FOXK2: variants seen among roughly 807,000 people sequenced by gnomAD.
FOXK2 encodes the protein forkhead box K2.
A neutral mutation model predicts 53.3 loss-of-function variants in FOXK2; 24 were observed. That is an observed-to-expected ratio of 0.45 (90% CI 0.33 to 0.63). The LOEUF (loss-of-function observed/expected upper bound fraction) is 0.63. Ranked by LOEUF, FOXK2 falls within the 30% of genes least tolerant of loss-of-function variation. FOXK2 has a pLI of 0.03. For missense variants in FOXK2, 952 were observed against 910.5 expected (o/e 1.05, Z -0.59); for synonymous variants, 505 against 407.1 (o/e 1.24, Z -2.89).
rs1006452260 is a variant in FOXK2, at chr17:82,603,157, G to A, written c.*1658G>A. ...ACACTAGCTGGATTATCACTCAGCC[G>A]TTTAAGAAATAAAAGCAAAACCATC... On this transcript the variant is annotated 3_prime_UTR_variant, in exon 9 of 9. Coordinates refer to ENST00000335255, the MANE Select transcript of FOXK2 (RefSeq NM_004514.4). The A allele has an allele frequency of 1.3e-5, 2 of 152,406 alleles. No homozygotes were observed. The highest frequency in any genetic ancestry group is 2.9e-5 in the Non-Finnish European group (2 of 68,054). 9.4% of individuals were successfully genotyped at this position (152,406 alleles called of 1,614,324 possible).
rs5822538 is a variant in FOXK2 at position 82,556,442 on chromosome 17, T to TAA, written c.420-6900_420-6899dup. ...CTGGGCAATAGAGTGAGACTCCGTC[T>TAA]AAAAAAAAAAAAAGCAAGTTACCAG... On this transcript the variant is annotated intron_variant, in intron 1 of 8. Coordinates refer to ENST00000335255, the MANE Select transcript of FOXK2 (RefSeq NM_004514.4). Among the ~76,000 whole-genome samples, 21 of 142,822 alleles carry TAA rather than the reference T, an allele frequency of 1.5e-4. No individual in the cohort carries two copies. The South Asian group carries it at 2.4e-3, about 17-fold the overall frequency. The allele number at this position is 142,822 out of a possible 152,430, so 93.7% of individuals were successfully genotyped here.
At position 82,592,199 on chromosome 17, in the gene FOXK2, C is replaced by T. The variant is rs576890275; in HGVS notation, c.1786+4927C>T. Among the ~76,000 whole-genome samples, 10 of 152,336 alleles carry T rather than the reference C, an allele frequency of 6.6e-5. No individual in the cohort carries two copies. The East Asian group carries it at 1.7e-3, about 26-fold the overall frequency. On this transcript the variant is annotated intron_variant, in intron 8 of 8. Transcript: ENST00000335255. Reference sequence around the variant, plus strand: ...GGATTACAGGTACGAGCCAGCATACCCAGCCAGTGTTGTCGTTTTGATTTG... The same window carrying T: ...GGATTACAGGTACGAGCCAGCATACTCAGCCAGTGTTGTCGTTTTGATTTG...
intron 1 of FOXK2, among the ~76,000 whole-genome samples, chr17:82,532,749 G>T (rs1009243600): frequency 6.6e-6 from 1 of 151,658 alleles, no homozygotes. Context: ...TGTATTTTTA[G>T]TAGAGATGGG....
chr17:82,585,234 C>T (rs1341786669), intron 6 of FOXK2: 1 of 151,402 alleles, frequency 6.6e-6, no homozygotes, highest in Non-Finnish European at 1.5e-5. Flanking sequence ...CTTTCTGCTT[C>T]CCTTCCACTC....
chr17:82,520,119 G>A lies in FOXK2; in HGVS notation c.231G>A (p.Arg77=). ...VSMGHSSFIS[R]RHLEIFTPPG... is the part of the protein sequence containing the mutation. ...TGGGCCACTCGAGCTTCATCTCCCG[G>A]CGCCACCTCGAGATCTTCACGCCCC... The change falls in exon 1 of 9, where the codon CGG becomes CGA. Residue 77 remains arginine (R), a synonymous_variant. Coordinates refer to ENST00000335255, the MANE Select transcript of FOXK2 (RefSeq NM_004514.4). 6.5e-7 allele frequency: 1 copy of A among 1,539,418 alleles called. No individual in the cohort carries two copies. Among genetic ancestry groups the A allele is most frequent in the Non-Finnish European group, 8.7e-7 (1 of 1,144,862 alleles).
intron 1 of FOXK2, among the ~76,000 whole-genome samples, chr17:82,552,106 G>A (rs893816338): frequency 1.3e-5 from 2 of 152,196 alleles, no homozygotes; most frequent in African/African-American, 2.4e-5. Context: ...CTCCCCTCGC[G>A]GTGGACCAAG....
At chr17:82,525,718 T>C (rs2144040744) in intron 1 of FOXK2, among the ~76,000 whole-genome samples, 1 of 152,338 alleles carries the variant, frequency 6.6e-6, no homozygotes, top group South Asian at 2.1e-4. Context: ...GAATATCTAA[T>C]AGTCAAATAT....
chr17:82,532,727 C>A (rs1392833557), intron 1 of FOXK2, among the ~76,000 whole-genome samples: 1 of 151,898 alleles, frequency 6.6e-6, no homozygotes, highest in African/African-American at 2.4e-5. Context: ...GCCACCTCAC[C>A]TGGCTAATTT....
At chr17:82,553,842 T>A (rs1211025115) in intron 1 of FOXK2, among the ~76,000 whole-genome samples, 1 of 152,194 alleles carries the variant, frequency 6.6e-6, no homozygotes, top group African/African-American at 2.4e-5. Flanking sequence ...GTACTTTTTT[T>A]TTTATTTCCC....
In FOXK2 at chr17:82,585,909, C is replaced by T. The variant is rs1268894552; in HGVS notation, c.1285C>T (p.Pro429Ser). 9 of 1,610,394 alleles carry T rather than the reference C, an allele frequency of 5.6e-6. No individual in the cohort carries two copies. Among genetic ancestry groups the T allele is most frequent in the Non-Finnish European group, 7.6e-6 (9 of 1,178,130 alleles). Residue 429 changes from proline (P) to serine (S), a missense_variant, in exon 7 of 9, where the codon CCT (proline) becomes TCT (serine). This residue lies in a region of FOXK2 where 551 missense variants were observed against 385.1 expected (regional missense o/e 1.43). Coordinates refer to ENST00000335255, the MANE Select transcript of FOXK2 (RefSeq NM_004514.4). ...ARFAQSAPGS[P>S]LSSQPVLITV... ...CCTGCTGTGTCTTTCACCAGGGTCA[C>T]CTCTGTCCAGTCAGCCAGTCTTAAT...
rs567172091 is a variant in FOXK2 at position 82,591,041 on chromosome 17, G to T, written c.1786+3769G>T. ...CCGGGGCTCAGGGCTTGGCCCCTGC[G>T]TGTGTCGTGAAGACAGTGCTGACAG... is the stretch of plus-strand genomic sequence containing the variant. On this transcript the variant is annotated intron_variant, in intron 8 of 8. Transcript: ENST00000335255. Among the ~76,000 whole-genome samples, 32 of 152,312 alleles carry T rather than the reference G, an allele frequency of 2.1e-4. No individual in the cohort carries two copies. In the South Asian group the frequency reaches 2.5e-3, roughly 12 times the overall value.
intron 5 of FOXK2, 72 bp from the exon 6 acceptor site, chr17:82,583,941 C>G: frequency 1.3e-6 from 2 of 1,486,230 alleles, no homozygotes; most frequent in Non-Finnish European, 1.8e-6. Context: ...GCAAAGTGCA[C>G]TTATTAAAAC....
At chr17:82,558,360 G>A (rs73371707) in intron 1 of FOXK2, among the ~76,000 whole-genome samples, 9,519 of 152,248 alleles carry the variant, frequency 0.063, 363 homozygotes, top group Admixed American at 0.097. Flanking sequence ...AAACAGAACC[G>A]ATGCAAGGGA....
intron 4 of FOXK2, among the ~76,000 whole-genome samples, chr17:82,573,485 T>G (rs2044942419): frequency 6.6e-6 from 1 of 151,782 alleles, no homozygotes; most frequent in East Asian, 1.9e-4. Flanking sequence ...CTGGCCGTAT[T>G]TACTCTATAA....
chr17:82,585,952 T>G lies in FOXK2; in HGVS notation c.1328T>G (p.Leu443Arg). ...QPVLITVQRQLPQAIKPVTYT... is the reference protein window; with the variant it reads ...QPVLITVQRQRPQAIKPVTYT... ...GTCTTAATCACCGTCCAGCGGCAGC[T>G]ACCACAGGCCATCAAGCCTGTCACC... The change falls in exon 7 of 9, where the codon CTA (leucine) becomes CGA (arginine). Residue 443 changes from leucine (L) to arginine (R), a missense_variant. Transcript: ENST00000335255. 1 of 1,612,718 alleles carries G rather than the reference T, an allele frequency of 6.2e-7. No homozygotes were observed. Among genetic ancestry groups the G allele is most frequent in the Non-Finnish European group, 8.5e-7 (1 of 1,179,886 alleles).
intron 1 of FOXK2, among the ~76,000 whole-genome samples, chr17:82,537,619 CAAA>C (rs963026198): frequency 0.011 from 595 of 52,970 alleles, 3 homozygotes; most frequent in African/African-American, 0.043. Flanking sequence ...GACTCCATCT[CAAA>C]AAAAAAAAAA....
chr17:82,549,773 C>T, intron 1 of FOXK2, among the ~76,000 whole-genome samples: 1 of 152,200 alleles, frequency 6.6e-6, no homozygotes, highest in East Asian at 1.9e-4. Context: ...AATCGAGCCT[C>T]CCTGATATGT....
chr17:82,581,957 T>TA (rs1318513124), intron 4 of FOXK2, among the ~76,000 whole-genome samples: 26 of 152,102 alleles, frequency 1.7e-4, no homozygotes, highest in Non-Finnish European at 3.2e-4. Flanking sequence ...AGAGTTCAAA[T>TA]AAAAAAACAG....
chr17:82,576,907 C>T, intron 4 of FOXK2: 1 of 435,382 alleles, frequency 2.3e-6, no homozygotes, highest in South Asian at 2.4e-5. Flanking sequence ...CGCCTGTAAT[C>T]CCAGCACTTT....
Sources: allele counts gnomAD v4.1 joint callset (sites outside exome capture counted in the v4.1 genomes callset), GRCh38; gene constraint gnomAD v4.1.1; regional missense constraint gnomAD v4.1.1; transcripts MANE v1.5; gene names NCBI Gene and HGNC (gene_info 2026-07-23, HGNC 2026-07-21).